The following PGPEP1L variants were observed in gnomAD, a reference collection of about 807,000 sequenced individuals.
The protein encoded by PGPEP1L is pyroglutamyl-peptidase 1-like protein.
PGPEP1L carries 7 observed loss-of-function variants against 6.0 expected under a neutral mutation model. That is an observed-to-expected ratio of 1.17 (90% confidence interval 0.66 to 2.19). PGPEP1L has a LOEUF of 2.19. Among genes scored for constraint, PGPEP1L ranks in the 30% most tolerant of loss-of-function variants. The pLI is 0.00. For missense variants in PGPEP1L, 209 were observed against 192.5 expected (o/e 1.09, Z -0.51); for synonymous variants, 103 against 83.9 (o/e 1.23, Z -1.24).
At chr15:98,970,959 A>G in intron 3 of PGPEP1L, 77 bp downstream of exon 3, 1 of 1,583,534 alleles carries the variant, frequency 6.3e-7, no homozygotes, top group South Asian at 1.2e-5. Flanking sequence ...TCAACCCTAG[A>G]ACCAGGACCC....
rs1490266825 is a variant in PGPEP1L at position 98,969,489 on chromosome 15, T to TCA, written c.143_144dup (p.Lys49Ter). The TCA allele has an allele frequency of 6.2e-7, 1 of 1,613,902 alleles. No individual in the cohort carries two copies. Among genetic ancestry groups the TCA allele is most frequent in the Non-Finnish European group, 8.5e-7 (1 of 1,179,902 alleles). On this transcript the variant is annotated frameshift_variant, in exon 4 of 5. Coordinates refer to ENST00000535714, the MANE Select transcript of PGPEP1L (RefSeq NM_001167902.2). LOFTEE classifies it high-confidence loss of function. ...ACAGCTACGCGCTTGCAGACTGCCT[T>TCA]CATGCAGACCCCTGACTCCAGCACG...
chr15:98,969,559 G>T lies in PGPEP1L; in HGVS notation c.75C>A (p.Arg25=), dbSNP rs2017460324. 1 of 1,613,998 alleles carries T rather than the reference G, an allele frequency of 6.2e-7. No homozygotes were observed. Among genetic ancestry groups the T allele is most frequent in the Non-Finnish European group, 8.5e-7 (1 of 1,179,906 alleles). Residue 25 remains arginine, a synonymous_variant, in exon 4 of 5, where the codon CGC becomes CGA. Coordinates refer to ENST00000535714, the MANE Select transcript of PGPEP1L (RefSeq NM_001167902.2). ...ACACGCCGCCCTCGGGCCAGAAGCTGCGGATGTCGGCGTCCCGGTAGCCTT... is the reference window on the plus strand; with the variant it reads ...ACACGCCGCCCTCGGGCCAGAAGCTTCGGATGTCGGCGTCCCGGTAGCCTT... ...KNQGYRDADI[R]SFWPEGGVCL...
At chr15:98,988,601 AAG>A (rs1555471748) in intron 2 of PGPEP1L, among the ~76,000 whole-genome samples, 1 of 152,210 alleles carries the variant, frequency 6.6e-6, no homozygotes, top group African/African-American at 2.4e-5. Flanking sequence ...GACAGCTCTG[AAG>A]AGAGGAGCGG....
intron 2 of PGPEP1L, among the ~76,000 whole-genome samples, chr15:98,979,666 T>A (rs1398767074): frequency 1.1e-5 from 1 of 89,206 alleles, no homozygotes; most frequent in African/African-American, 4.3e-5. Context: ...TTTTTTTTTT[T>A]TGGAGACAGA....
intron 2 of PGPEP1L, among the ~76,000 whole-genome samples, chr15:98,978,706 G>GTATATATATA (rs60484400): frequency 1.5e-4 from 14 of 90,574 alleles, no homozygotes; most frequent in African/African-American, 5.4e-4. Context: ...ATTAGACTGT[G>GTATATATATA]TATATATATA....
At chr15:98,985,365 C>T (rs975574403) in intron 2 of PGPEP1L, among the ~76,000 whole-genome samples, 3 of 152,160 alleles carry the variant, frequency 2.0e-5, no homozygotes, top group Admixed American at 6.5e-5. Flanking sequence ...ATGGTGAAAC[C>T]TCATCTCTAC....
intron 2 of PGPEP1L, among the ~76,000 whole-genome samples, chr15:99,003,479 C>T (rs550235780): frequency 2.0e-5 from 3 of 151,854 alleles, no homozygotes; most frequent in South Asian, 4.2e-4. Context: ...CTGAGAGGCC[C>T]GTGGGAGGGA....
intron 2 of PGPEP1L, among the ~76,000 whole-genome samples, chr15:98,983,158 G>GGAAA (rs773903560): frequency 5.3e-5 from 4 of 75,220 alleles, no homozygotes; most frequent in Admixed American, 1.3e-4. Flanking sequence ...GTTCTCTTGG[G>GGAAA]AAAAAAAAAA....
At chr15:99,007,218 G>A (rs543830040) in intron 1 of PGPEP1L, 141 bp downstream of exon 1, 4 of 151,934 alleles carry the variant, frequency 2.6e-5, no homozygotes, top group African/African-American at 9.7e-5. Flanking sequence ...GGCCCACCTT[G>A]CCATGAGTGG....
At chr15:98,982,700 C>CTTTTTTTTTTTTTTTTTTTTTTTTT (rs369749842) in intron 2 of PGPEP1L, among the ~76,000 whole-genome samples, 2 of 52,458 alleles carry the variant, frequency 3.8e-5, no homozygotes, top group Non-Finnish European at 8.4e-5. Context: ...TTATCTGAGG[C>CTTTTTTTTTTTTTTTTTTTTTTTTT]TTTTTTTTTT....
chr15:98,986,609 G>A (rs1373767398), intron 2 of PGPEP1L, among the ~76,000 whole-genome samples: 1 of 151,742 alleles, frequency 6.6e-6, no homozygotes, highest in Non-Finnish European at 1.5e-5. Context: ...TGAACCTGGG[G>A]TTGTAAGAAC....
At chr15:98,990,919 A>T (rs2017809881) in intron 2 of PGPEP1L, among the ~76,000 whole-genome samples, 1 of 152,220 alleles carries the variant, frequency 6.6e-6, no homozygotes. Context: ...AACCAATGAG[A>T]ACAAAGATAC....
chr15:99,005,879 T>G (rs2018049918), intron 1 of PGPEP1L, among the ~76,000 whole-genome samples: 1 of 152,218 alleles, frequency 6.6e-6, no homozygotes, highest in Admixed American at 6.5e-5. Flanking sequence ...AAAGAGGTAC[T>G]GTCCTAGGAA....
intron 2 of PGPEP1L, among the ~76,000 whole-genome samples, chr15:98,972,355 AAAAT>A (rs34372599): frequency 0.011 from 1,529 of 144,814 alleles, 7 homozygotes; most frequent in African/African-American, 0.015. Flanking sequence ...CTCCGTCTCA[AAAAT>A]AAATAAATAA....
rs2017437605 is a variant in PGPEP1L, at chr15:98,968,550, C to T, written c.357G>A (p.Glu119=). 1.2e-6 allele frequency: 2 copies of T among 1,607,986 alleles called. No individual in the cohort carries two copies. Among genetic ancestry groups the T allele is most frequent in the South Asian group, 2.2e-5 (2 of 90,242 alleles). The change falls in exon 5 of 5, where the codon GAG becomes GAA. Residue 119 remains glutamate, a synonymous_variant. Transcript: ENST00000535714. ...GGGCTCTGTGCTTGGGCTTTCCCAC[C>T]TCTTCCAGCATTTCCTGGATGATGA... ...LRVIIQEMLE[E]VGKPKHRAQF...
intron 3 of PGPEP1L, among the ~76,000 whole-genome samples, chr15:98,970,140 C>A (rs1480926452): frequency 6.6e-6 from 1 of 152,136 alleles, no homozygotes; most frequent in Admixed American, 6.5e-5. Flanking sequence ...CCTCTGCCTC[C>A]CGGGTTCAAG....
rs1331625210 is a variant in PGPEP1L, at chr15:99,005,434, A to T, written c.-147T>A. On this transcript the variant is annotated 5_prime_UTR_variant, in exon 2 of 5. Coordinates refer to ENST00000535714, the MANE Select transcript of PGPEP1L (RefSeq NM_001167902.2). The stretch of plus-strand genomic sequence containing the variant: ...AAAAAATTATGTAGTCTTACCAGTC[A>T]CCACCACGCAGCTGGGCTGGGAATC... 2.6e-5 allele frequency: 4 copies of T among 152,562 alleles called. No homozygotes were observed. The highest frequency in any genetic ancestry group is 5.9e-5 in the Non-Finnish European group (4 of 68,090). 9.5% of individuals were successfully genotyped at this position (152,562 alleles called of 1,614,324 possible).
chr15:98,980,346 G>A (rs1381310901), intron 2 of PGPEP1L, among the ~76,000 whole-genome samples: 1 of 152,188 alleles, frequency 6.6e-6, no homozygotes, highest in African/African-American at 2.4e-5. Flanking sequence ...GAGGAGGGGG[G>A]AGGAAAAGGT....
intron 2 of PGPEP1L, among the ~76,000 whole-genome samples, chr15:99,001,764 C>T (rs2017975098): frequency 6.6e-6 from 1 of 152,182 alleles, no homozygotes; most frequent in South Asian, 2.1e-4. Context: ...GTCACGTAGG[C>T]TGGAGTGCAG....
Sources: gnomAD v4.1 joint callset for allele counts (sites outside exome capture counted in the v4.1 genomes callset) on GRCh38, gnomAD v4.1.1 for gene constraint, MANE v1.5 for transcripts, NCBI Gene and HGNC (gene_info 2026-07-23, HGNC 2026-07-21) for gene names.